DOP1B: variants seen among roughly 807,000 people sequenced by gnomAD.
DOP1B encodes the protein protein DOP1B.
Under a neutral mutation model 233.5 loss-of-function variants are expected in DOP1B, and 174 were observed. The observed-to-expected ratio is 0.75, with a 90% CI of 0.66 to 0.85. The LOEUF (loss-of-function observed/expected upper bound fraction) is 0.85. DOP1B is among the 40% of genes least tolerant of loss of function. The pLI is 0.00. For missense variants in DOP1B, 2,652 were observed against 2,846.6 expected, an observed-to-expected ratio of 0.93 and a Z score of 1.56; for synonymous variants, 1,190 against 1,185.6, an observed-to-expected ratio of 1.00 and a Z score of -0.08.
Position 36,246,608 on chromosome 21 carries a change from T to A in DOP1B, c.4628T>A (p.Val1543Asp), listed in dbSNP as rs1159888294. 2 of 1,614,076 alleles carry A rather than the reference T, an allele frequency of 1.2e-6. No homozygotes were observed. Among genetic ancestry groups the A allele is most frequent in the Non-Finnish European group, 1.7e-6 (2 of 1,180,014 alleles). Residue 1543 changes from valine (V) to aspartate (D), a missense_variant, in exon 19 of 37, where the codon GTC (valine) becomes GAC (aspartate). Val to Asp is a radical substitution (Grantham distance 152). Coordinates refer to ENST00000691173, the MANE Select transcript of DOP1B (RefSeq NM_001320714.2). The surrounding 1 kb of genome is among the most constrained non-coding windows in gnomAD (Gnocchi z 5.1). ...GGCTGGACGGTGACACCCTTTGTTG[T>A]CCAGATTTGCAAAAACTTGGATGAC... ...SLGWTVTPFVVQICKNLDDLV... is the reference protein window; with the variant it reads ...SLGWTVTPFVDQICKNLDDLV...
At chr21:36,283,006 C>T (rs186024268) in intron 32 of DOP1B, among the ~76,000 whole-genome samples, 1 of 149,788 alleles carries the variant, frequency 6.7e-6, no homozygotes, top group Non-Finnish European at 1.5e-5. Flanking sequence ...TTGCCAACAT[C>T]GTACGTGATT....
At chr21:36,242,750 AATG>A (rs1451915127) in intron 18 of DOP1B, among the ~76,000 whole-genome samples, 1 of 152,180 alleles carries the variant, frequency 6.6e-6, no homozygotes, top group Non-Finnish European at 1.5e-5. Flanking sequence ...CTCTGAAAAA[AATG>A]ATAAGTGTCC....
At chr21:36,268,992 A>G (rs1275495504) in intron 26 of DOP1B, among the ~76,000 whole-genome samples, 1 of 151,774 alleles carries the variant, frequency 6.6e-6, no homozygotes, top group Non-Finnish European at 1.5e-5. Flanking sequence ...TTGCACCACT[A>G]CACTCCAGCC....
intron 11 of DOP1B, among the ~76,000 whole-genome samples, chr21:36,224,650 C>T (rs1160125980): frequency 6.6e-6 from 1 of 151,344 alleles, no homozygotes; most frequent in Admixed American, 6.6e-5. Flanking sequence ...GATCCTATTA[C>T]AGTTAATTTA....
chr21:36,260,922 T>G (rs2067162171), intron 24 of DOP1B, 190 bp downstream of exon 24: 1 of 1,411,582 alleles, frequency 7.1e-7, no homozygotes, highest in Admixed American at 3.2e-5. Context: ...GTTAACATCT[T>G]AAAATCTGTG....
intron 17 of DOP1B, 63 bp from the exon 18 acceptor site, chr21:36,239,702 G>A: frequency 6.8e-7 from 1 of 1,470,240 alleles, no homozygotes; most frequent in Non-Finnish European, 9.1e-7. Flanking sequence ...CCCAGTGTCT[G>A]CCACGGTGCC....
intron 2 of DOP1B, among the ~76,000 whole-genome samples, chr21:36,166,353 C>T (rs191402342): frequency 1.3e-5 from 2 of 151,854 alleles, no homozygotes; most frequent in African/African-American, 4.8e-5. Context: ...AGGAGAATGG[C>T]GTGAACCAGG....
intron 2 of DOP1B, among the ~76,000 whole-genome samples, chr21:36,176,097 C>CATGTGTGTGTGTGTGCGTATGTGT (rs1555886144): frequency 7.1e-6 from 1 of 141,744 alleles, no homozygotes; most frequent in African/African-American, 2.6e-5. Context: ...GGTGTGTGTG[C>CATGTGTGTGTGTGTGCGTATGTGT]GTGTGTGTGT....
chr21:36,207,659 G>C (rs1395073760), intron 4 of DOP1B, among the ~76,000 whole-genome samples: 1 of 152,112 alleles, frequency 6.6e-6, no homozygotes, highest in Non-Finnish European at 1.5e-5. Context: ...CCAGGATCTG[G>C]ACACGGGAGG....
At chr21:36,258,440 A>G (rs573204474) in intron 23 of DOP1B, among the ~76,000 whole-genome samples, 5 of 152,092 alleles carry the variant, frequency 3.3e-5, no homozygotes, top group African/African-American at 7.2e-5. Flanking sequence ...ACATCAGACA[A>G]TGTGCCGACC....
In DOP1B at chr21:36,274,983, T is replaced by TA. The variant is rs1198344503; in HGVS notation, c.5633-2037dup. Among the ~76,000 whole-genome samples, 37 of 151,768 alleles carry TA rather than the reference T, an allele frequency of 2.4e-4. 1 individual carries two copies. Among genetic ancestry groups the TA allele is most frequent in the Admixed American group, 2.4e-3 (37 of 15,222 alleles). ...CCTCAGCCTCCCAAGTAGCTGGGAT[T>TA]ACAGGTGCACGCCACCACACCTGGG... On this transcript the variant is annotated intron_variant, in intron 27 of 36. Coordinates refer to ENST00000691173, the MANE Select transcript of DOP1B (RefSeq NM_001320714.2).
At chr21:36,249,804 G>A (rs2835327) in intron 21 of DOP1B, among the ~76,000 whole-genome samples, 21,915 of 152,120 alleles carry the variant, frequency 0.14, 1,674 homozygotes, top group South Asian at 0.26. Context: ...CCGCAGGGAT[G>A]AGCCTTGCCA....
intron 2 of DOP1B, among the ~76,000 whole-genome samples, chr21:36,166,159 C>T (rs1249985412): frequency 2.6e-5 from 4 of 151,086 alleles, no homozygotes; most frequent in African/African-American, 4.9e-5. Context: ...CGTGGCCAGA[C>T]GTGGTGGCTC....
chr21:36,284,722 G>A (rs1475329960), intron 32 of DOP1B, among the ~76,000 whole-genome samples: 1 of 151,898 alleles, frequency 6.6e-6, no homozygotes, highest in Non-Finnish European at 1.5e-5. Context: ...ATTTGACCAT[G>A]GTAGAGTTTA....
rs577388075 is a variant in DOP1B, at chr21:36,292,571, C to T, written c.6645+338C>T. On this transcript the variant is annotated intron_variant, in intron 36 of 36. Transcript: ENST00000691173. ...TGGAATAGCTGGAACTACAGGCGCA[C>T]GCCACCATGCCTGGCTAATTTTTGT... Among the ~76,000 whole-genome samples the T allele has an allele frequency of 8.0e-5, 12 of 150,670 alleles. No individual in the cohort carries two copies. The South Asian group carries it at 1.5e-3, about 18-fold the overall frequency.
At chr21:36,211,506 C>T (rs2239568) in intron 5 of DOP1B, 47 bp from the exon 6 acceptor site, 552,823 of 1,558,358 alleles carry the variant, frequency 0.35, 101,688 homozygotes, top group East Asian at 0.48. Context: ...GTTTTTATGA[C>T]CATAAAGAGT....
chr21:36,201,285 C>G (rs923691110), intron 4 of DOP1B, among the ~76,000 whole-genome samples: 8 of 151,522 alleles, frequency 5.3e-5, no homozygotes, highest in Non-Finnish European at 1.2e-4. Context: ...AGAAGGTTTC[C>G]CAGTCGCACA....
chr21:36,224,609 T>C (rs906526941), intron 11 of DOP1B, among the ~76,000 whole-genome samples: 1 of 151,962 alleles, frequency 6.6e-6, no homozygotes, highest in African/African-American at 2.4e-5. Context: ...ATGTCTGTCT[T>C]CAGTGTAACA....
chr21:36,273,328 A>G (rs2067312232), intron 27 of DOP1B, among the ~76,000 whole-genome samples: 2 of 151,852 alleles, frequency 1.3e-5, no homozygotes, highest in African/African-American at 4.8e-5. Flanking sequence ...AATCACTGGA[A>G]CCTGGGAGGC....
Sources: gnomAD v4.1 joint callset for allele counts (sites outside exome capture counted in the v4.1 genomes callset) on GRCh38, gnomAD v4.1.1 for gene constraint, Gnocchi (gnomAD v3.1) non-coding constraint, MANE v1.5 for transcripts, NCBI Gene and HGNC (gene_info 2026-07-23, HGNC 2026-07-21) for gene names.